LRRTM4: variants seen among roughly 807,000 people sequenced by gnomAD.
LRRTM4 encodes leucine-rich repeat transmembrane neuronal protein 4.
Under a neutral mutation model 47.6 loss-of-function variants are expected in LRRTM4, and 25 were observed. The observed-to-expected ratio is 0.53, with a 90% CI of 0.38 to 0.73. LRRTM4 has a LOEUF of 0.73. Among genes scored for constraint, LRRTM4 ranks in the 30% least tolerant of loss-of-function variants. The probability of loss-of-function intolerance (pLI) is 0.00; values close to 1 mark genes in which losing one functional copy is unlikely to be tolerated. For missense variants in LRRTM4, 638 were observed against 713.4 expected (o/e 0.89, Z 1.20); for synonymous variants, 311 against 269.5 (o/e 1.15, Z -1.51).
intron 3 of LRRTM4, among the ~76,000 whole-genome samples, chr2:77,251,188 T>TACAC (rs546102819): frequency 2.9e-5 from 1 of 34,534 alleles, no homozygotes; most frequent in Non-Finnish European, 6.1e-5. Flanking sequence ...TGTATATATA[T>TACAC]ACACACACAC....
chr2:76,758,379 A>G (rs1271872786), intron 3 of LRRTM4, among the ~76,000 whole-genome samples: 1 of 152,160 alleles, frequency 6.6e-6, no homozygotes, highest in African/African-American at 2.4e-5. Context: ...AAAGTTTAGA[A>G]CCTACAGACT....
At chr2:76,831,640 TCCATAAACTA>T (rs1671354724) in intron 3 of LRRTM4, among the ~76,000 whole-genome samples, 1 of 152,086 alleles carries the variant, frequency 6.6e-6, no homozygotes, top group Admixed American at 6.6e-5. Flanking sequence ...TTACTCCAAA[TCCATAAACTA>T]AATTGAAACC....
intron 3 of LRRTM4, among the ~76,000 whole-genome samples, chr2:77,093,939 A>G (rs1474666234): frequency 6.6e-6 from 1 of 150,538 alleles, no homozygotes; most frequent in Non-Finnish European, 1.5e-5. Flanking sequence ...CCGCCAGAGA[A>G]CAAACCCGCT....
intron 3 of LRRTM4, among the ~76,000 whole-genome samples, chr2:77,399,295 C>T (rs1029323974): frequency 9.2e-5 from 14 of 151,616 alleles, no homozygotes; most frequent in African/African-American, 3.4e-4. Context: ...CTAAATTGAG[C>T]TAATTCACAT....
chr2:77,137,276 C>T (rs938004127), intron 3 of LRRTM4, among the ~76,000 whole-genome samples: 4 of 151,924 alleles, frequency 2.6e-5, no homozygotes, highest in Non-Finnish European at 5.9e-5. Flanking sequence ...CAGCAGATCT[C>T]TTGGCAGAAA....
intron 3 of LRRTM4, among the ~76,000 whole-genome samples, chr2:76,897,438 T>A (rs896040392): frequency 2.0e-5 from 3 of 152,146 alleles, no homozygotes; most frequent in Non-Finnish European, 4.4e-5. Flanking sequence ...TTCAATTTTC[T>A]AAATTTTCTC....
intron 3 of LRRTM4, among the ~76,000 whole-genome samples, chr2:76,825,808 A>C (rs1671174839): frequency 6.6e-6 from 1 of 151,618 alleles, no homozygotes; most frequent in Non-Finnish European, 1.5e-5. Context: ...AAACACTAAG[A>C]GGTTAGTCAA....
chr2:77,326,428 C>T (rs1670778094), intron 3 of LRRTM4, among the ~76,000 whole-genome samples: 1 of 152,166 alleles, frequency 6.6e-6, no homozygotes, highest in African/African-American at 2.4e-5. Flanking sequence ...GGATCTTGCT[C>T]TGTCTCCTAG....
At chr2:77,226,538 C>T (rs1056735524) in intron 3 of LRRTM4, among the ~76,000 whole-genome samples, 12 of 144,114 alleles carry the variant, frequency 8.3e-5, no homozygotes, top group Middle Eastern at 3.7e-3. Context: ...AAATTATATA[C>T]ATATATATAT....
At chr2:76,766,991 C>A (rs758950141) in intron 3 of LRRTM4, among the ~76,000 whole-genome samples, 3 of 152,176 alleles carry the variant, frequency 2.0e-5, no homozygotes, top group Non-Finnish European at 4.4e-5. Flanking sequence ...GCTACAGCTC[C>A]TACCTAGATC....
intron 3 of LRRTM4, among the ~76,000 whole-genome samples, chr2:76,815,895 A>C (rs1250838388): frequency 1.3e-5 from 2 of 152,066 alleles, no homozygotes; most frequent in East Asian, 3.9e-4. Flanking sequence ...GGCTCTTCTA[A>C]AACTTTCTGA....
chr2:77,029,175 G>A (rs989888557), intron 3 of LRRTM4, among the ~76,000 whole-genome samples: 3 of 151,232 alleles, frequency 2.0e-5, no homozygotes, highest in Admixed American at 6.6e-5. Flanking sequence ...TTAGTATTTA[G>A]AGGTTGTATT....
chr2:77,515,765 CTT>C (rs1222369880), intron 3 of LRRTM4, among the ~76,000 whole-genome samples: 1 of 151,820 alleles, frequency 6.6e-6, no homozygotes, highest in African/African-American at 2.4e-5. Context: ...GCTGCCCTCT[CTT>C]GGCTCTATTT....
At chr2:76,911,941 G>T (rs868137198) in intron 3 of LRRTM4, among the ~76,000 whole-genome samples, 3 of 139,770 alleles carry the variant, frequency 2.1e-5, no homozygotes, top group South Asian at 2.4e-4. Flanking sequence ...TTTTTGGGGG[G>T]GGGGGGGGGA....
chr2:76,950,006 C>G (rs1675445847), intron 3 of LRRTM4, among the ~76,000 whole-genome samples: 1 of 151,710 alleles, frequency 6.6e-6, no homozygotes, highest in African/African-American at 2.4e-5. Flanking sequence ...AATAAGACAA[C>G]AGTAAGATGC....
At chr2:77,266,933 G>A (rs996657706) in intron 3 of LRRTM4, among the ~76,000 whole-genome samples, 1 of 152,028 alleles carries the variant, frequency 6.6e-6, no homozygotes, top group African/African-American at 2.4e-5. Context: ...CAAGTTCTGA[G>A]GAAACAAAGA....
intron 3 of LRRTM4, among the ~76,000 whole-genome samples, chr2:77,107,956 A>G (rs1417425248): frequency 6.6e-6 from 1 of 152,142 alleles, no homozygotes; most frequent in African/African-American, 2.4e-5. Context: ...TACATACTAA[A>G]TATTAGATAT....
chr2:77,402,571 TC>T, intron 3 of LRRTM4, among the ~76,000 whole-genome samples: 1 of 152,180 alleles, frequency 6.6e-6, no homozygotes, highest in South Asian at 2.1e-4. Context: ...GTTATTTCTG[TC>T]CTCATTCAGT....
At chr2:76,912,976 G>C (rs989117539) in intron 3 of LRRTM4, among the ~76,000 whole-genome samples, 4 of 152,156 alleles carry the variant, frequency 2.6e-5, no homozygotes, top group African/African-American at 9.7e-5. Flanking sequence ...AAATTACCCA[G>C]TCCCAAGGAT....
Sources: gnomAD v4.1 joint callset for allele counts (sites outside exome capture counted in the v4.1 genomes callset) on GRCh38, gnomAD v4.1.1 for gene constraint, MANE v1.5 for transcripts, NCBI Gene and HGNC (gene_info 2026-07-23, HGNC 2026-07-21) for gene names.